Variants in CCDC68 observed in about 807,000 individuals in gnomAD.
CCDC68 encodes coiled-coil domain-containing protein 68.
In CCDC68, 45 loss-of-function variants were observed where a neutral mutation model predicts 47.1. The observed-to-expected ratio is 0.96, with a 90% CI of 0.75 to 1.23. The LOEUF (loss-of-function observed/expected upper bound fraction) is 1.23. Among genes scored for constraint, CCDC68 ranks in the 50% most tolerant of loss-of-function variants. CCDC68 has a pLI of 0.00. For synonymous variants in CCDC68, 131 were observed against 129.5 expected (o/e 1.01, Z -0.08); for missense variants, 353 against 373.6 (o/e 0.94, Z 0.45).
At chr18:54,923,001 A>AT in intron 8 of CCDC68, among the ~76,000 whole-genome samples, 1 of 151,066 alleles carries the variant, frequency 6.6e-6, no homozygotes, top group African/African-American at 2.4e-5. Flanking sequence ...AAAAAAAAAA[A>AT]AAAAAAAAAA....
At chr18:54,952,767 C>T (rs2044640053) in intron 1 of CCDC68, among the ~76,000 whole-genome samples, 1 of 152,182 alleles carries the variant, frequency 6.6e-6, no homozygotes, top group Non-Finnish European at 1.5e-5. Context: ...AATCCCAGCA[C>T]TTTGGGAGGC....
chr18:54,944,057 G>A (rs9949673), intron 2 of CCDC68, among the ~76,000 whole-genome samples: 126 of 152,140 alleles, frequency 8.3e-4, no homozygotes, highest in African/African-American at 2.9e-3. Flanking sequence ...GGAGGCTGAA[G>A]CACAAGAATC....
intron 1 of CCDC68, among the ~76,000 whole-genome samples, chr18:54,946,585 C>T (rs1416653903): frequency 6.6e-6 from 1 of 152,210 alleles, no homozygotes; most frequent in Non-Finnish European, 1.5e-5. Flanking sequence ...ATCCCACTGC[C>T]TTCTCAGGCT....
chr18:54,910,924 G>C (rs1194159250), intron 10 of CCDC68, among the ~76,000 whole-genome samples: 1 of 152,220 alleles, frequency 6.6e-6, no homozygotes, highest in Admixed American at 6.5e-5. Flanking sequence ...GGCAAGGGGG[G>C]CCTTCCAAGG....
At chr18:54,914,285 G>A (rs1049721677) in intron 10 of CCDC68, among the ~76,000 whole-genome samples, 2 of 152,164 alleles carry the variant, frequency 1.3e-5, no homozygotes, top group African/African-American at 2.4e-5. Context: ...ATCAGATACT[G>A]TTATTATTTG....
At chr18:54,944,559 A>C (rs570110335) in intron 2 of CCDC68, among the ~76,000 whole-genome samples, 2 of 152,172 alleles carry the variant, frequency 1.3e-5, no homozygotes, top group African/African-American at 2.4e-5. Context: ...CAACAACCAC[A>C]ATGCTTACTG....
At chr18:54,915,714 A>G (rs1374998639) in intron 10 of CCDC68, among the ~76,000 whole-genome samples, 3 of 152,168 alleles carry the variant, frequency 2.0e-5, no homozygotes, top group Non-Finnish European at 4.4e-5. Flanking sequence ...AGATCGCTTG[A>G]GGTCAGGAGT....
intron 1 of CCDC68, among the ~76,000 whole-genome samples, chr18:54,951,152 C>T (rs1182125074): frequency 5.3e-5 from 8 of 151,466 alleles, no homozygotes; most frequent in Admixed American, 1.3e-4. Context: ...TCGTGATCCG[C>T]CCGCCTCGGC....
chr18:54,907,498 T>A (rs980254942), intron 11 of CCDC68, among the ~76,000 whole-genome samples: 1 of 152,150 alleles, frequency 6.6e-6, no homozygotes, highest in Non-Finnish European at 1.5e-5. Context: ...AAGGAGATGA[T>A]CTGTAATGTC....
intron 10 of CCDC68, among the ~76,000 whole-genome samples, chr18:54,916,861 C>G (rs763164024): frequency 1.6e-4 from 25 of 152,212 alleles, no homozygotes; most frequent in Non-Finnish European, 2.9e-5. Flanking sequence ...GTGGCAATTT[C>G]TCCCACATGG....
At position 54,919,183 on chromosome 18, in the gene CCDC68, G is replaced by C. The variant is rs761359697; in HGVS notation, c.789+88C>G. 17 of 954,020 alleles carry C rather than the reference G, an allele frequency of 1.8e-5. 1 individual carries two copies. The Middle Eastern group carries it at 1.9e-3, about 106-fold the overall frequency. 59.1% of individuals were successfully genotyped at this position (954,020 alleles called of 1,614,324 possible). Reference sequence around the variant, plus strand: ...TGTCAGTAGGGAGAGAAATCTCATTGCTTCAAAAGTCCAGTCAAGCCACTC... The same window carrying C: ...TGTCAGTAGGGAGAGAAATCTCATTCCTTCAAAAGTCCAGTCAAGCCACTC... On this transcript the variant is annotated intron_variant, in intron 9 of 11. Transcript: ENST00000591504.
chr18:54,925,269 C>T lies in CCDC68; in HGVS notation c.683+3531G>A, dbSNP rs529386969. Reference sequence around the variant, plus strand: ...ATACCTATTCTTATATCTCCTTGTCCTCATCATCTAATTTTTTTCTAATTT... The same window carrying T: ...ATACCTATTCTTATATCTCCTTGTCTTCATCATCTAATTTTTTTCTAATTT... On this transcript the variant is annotated intron_variant, in intron 8 of 11. Coordinates refer to ENST00000591504, the MANE Select transcript of CCDC68 (RefSeq NM_025214.3). 3.9e-5 allele frequency among the ~76,000 whole-genome samples: 6 copies of T among 152,038 alleles called. No individual in the cohort carries two copies. In the South Asian group the frequency reaches 1.2e-3, roughly 32 times the overall value.
intron 4 of CCDC68, among the ~76,000 whole-genome samples, chr18:54,939,840 A>T (rs1235219224): frequency 1.3e-5 from 2 of 152,028 alleles, no homozygotes; most frequent in Non-Finnish European, 2.9e-5. Context: ...CCACACATCA[A>T]ATCATCAGCC....
chr18:54,907,130 T>G (rs1914057465), intron 11 of CCDC68, among the ~76,000 whole-genome samples: 1 of 152,202 alleles, frequency 6.6e-6, no homozygotes, highest in Admixed American at 6.5e-5. Context: ...ATGTTTTCTT[T>G]TAAATGATAA....
intron 11 of CCDC68, among the ~76,000 whole-genome samples, chr18:54,906,617 T>C (rs998667849): frequency 1.3e-5 from 2 of 152,150 alleles, no homozygotes; most frequent in Admixed American, 1.3e-4. Flanking sequence ...GGGAGCAAAA[T>C]ATTAGCCATC....
intron 7 of CCDC68, among the ~76,000 whole-genome samples, chr18:54,932,797 T>G (rs868017035): frequency 1.3e-5 from 2 of 152,360 alleles, no homozygotes; most frequent in South Asian, 4.1e-4. Context: ...TGCCTTTGAC[T>G]GGGCTTTCAG....
intron 10 of CCDC68, among the ~76,000 whole-genome samples, chr18:54,914,386 G>C (rs2043909254): frequency 1.3e-5 from 2 of 152,118 alleles, no homozygotes; most frequent in South Asian, 4.1e-4. Flanking sequence ...GGGAGGCTGA[G>C]ACAGGAGGAT....
chr18:54,904,345 T>C lies in CCDC68; in HGVS notation c.*13A>G. On this transcript the variant is annotated 3_prime_UTR_variant, in exon 12 of 12. Coordinates refer to ENST00000591504, the MANE Select transcript of CCDC68 (RefSeq NM_025214.3). ...CACGCAGTCTTTCTAAATCAGATCT[T>C]CATCCAGCCAGTTCATTTCCGTAAC... is the stretch of plus-strand genomic sequence containing the variant. 1 of 1,604,578 alleles carries C rather than the reference T, an allele frequency of 6.2e-7. No homozygotes were observed. The highest frequency in any genetic ancestry group is 8.5e-7 in the Non-Finnish European group (1 of 1,171,552).
At chr18:54,912,753 T>A (rs930458713) in intron 10 of CCDC68, among the ~76,000 whole-genome samples, 7 of 152,116 alleles carry the variant, frequency 4.6e-5, no homozygotes, top group Non-Finnish European at 1.0e-4. Flanking sequence ...GGACTCACAG[T>A]TCCACATGGC....
Sources: allele counts gnomAD v4.1 joint callset (sites outside exome capture counted in the v4.1 genomes callset), GRCh38; gene constraint gnomAD v4.1.1; transcripts MANE v1.5; gene names NCBI Gene and HGNC (gene_info 2026-07-23, HGNC 2026-07-21).